The following SLAIN2 variants were observed in gnomAD, a reference collection of about 807,000 sequenced individuals.
SLAIN2 encodes SLAIN motif-containing protein 2.
Under a neutral mutation model 56.6 loss-of-function variants are expected in SLAIN2, and 31 were observed. The observed-to-expected ratio is 0.55, with a 90% confidence interval of 0.41 to 0.74. The LOEUF (loss-of-function observed/expected upper bound fraction) is 0.74, where lower values mean the gene tolerates loss of function less well. SLAIN2 is among the 30% of genes least tolerant of loss of function. SLAIN2 has a pLI of 0.00. For synonymous variants in SLAIN2, 317 were observed against 284.9 expected (o/e 1.11, Z -1.13); for missense variants, 777 against 754.2 (o/e 1.03, Z -0.35).
intron 6 of SLAIN2, among the ~76,000 whole-genome samples, chr4:48,390,718 A>G (rs937424865): frequency 6.6e-6 from 1 of 152,174 alleles, no homozygotes; most frequent in African/African-American, 2.4e-5. Context: ...AAATGTTTTT[A>G]TATATTGATC....
chr4:48,418,134 T>C (rs1577741805), intron 6 of SLAIN2, among the ~76,000 whole-genome samples: 2 of 151,898 alleles, frequency 1.3e-5, no homozygotes, highest in African/African-American at 4.8e-5. Context: ...TCTTTCTCCT[T>C]CCTCCTTCTT....
chr4:48,396,380 A>G (rs1048195943), intron 6 of SLAIN2, among the ~76,000 whole-genome samples: 2 of 152,224 alleles, frequency 1.3e-5, no homozygotes, highest in African/African-American at 4.8e-5. Flanking sequence ...CGTGGGCATT[A>G]TCATTACCTA....
intron 6 of SLAIN2, among the ~76,000 whole-genome samples, chr4:48,402,286 A>G (rs1268734970): frequency 1.3e-5 from 2 of 150,434 alleles, no homozygotes; most frequent in African/African-American, 2.5e-5. Flanking sequence ...GTATCTTACT[A>G]GGGTTCTCTG....
intron 1 of SLAIN2, among the ~76,000 whole-genome samples, chr4:48,349,328 A>G (rs561422302): frequency 5.3e-5 from 8 of 152,342 alleles, no homozygotes; most frequent in East Asian, 3.9e-4. Context: ...AATGAAATCA[A>G]TCTATCAGTG....
rs560369525 is a variant in SLAIN2 at position 48,345,172 on chromosome 4, TC to T, written c.389+3047del. ...CTTTATACATCATAGACTATGCTGTTCCCACAGTATTTTGCTTTTTCCAAGT... is the reference window on the plus strand; with the variant it reads ...CTTTATACATCATAGACTATGCTGTTCCACAGTATTTTGCTTTTTCCAAGT... On this transcript the variant is annotated intron_variant, in intron 1 of 7. Coordinates refer to ENST00000264313, the MANE Select transcript of SLAIN2 (RefSeq NM_020846.2). Among the ~76,000 whole-genome samples the T allele has an allele frequency of 4.2e-3, 644 of 152,330 alleles. 1 individual carries two copies. The highest frequency in any genetic ancestry group is 9.5e-3 in the Admixed American group (145 of 15,306).
In SLAIN2 at chr4:48,379,779, T is replaced by A; in HGVS notation, c.793T>A (p.Ser265Thr). ...ELSASELDED[S>T]IGSNYKLNDV... ...AAGTGCTTCAGAATTAGATGAAGATTCAATTGGATCCAATTATAAGCTAAA... is the reference window on the plus strand; with the variant it reads ...AAGTGCTTCAGAATTAGATGAAGATACAATTGGATCCAATTATAAGCTAAA... The change falls in exon 4 of 8, where the codon TCA (serine) becomes ACA (threonine). Residue 265 changes from serine to threonine, a missense_variant. Ser to Thr is a moderately conservative substitution (Grantham distance 58). Transcript: ENST00000264313. 1 of 1,599,424 alleles carries A rather than the reference T, an allele frequency of 6.3e-7. No homozygotes were observed. The highest frequency in any genetic ancestry group is 1.1e-5 in the South Asian group (1 of 88,370).
At chr4:48,421,100 T>G (rs1717135893) in intron 7 of SLAIN2, among the ~76,000 whole-genome samples, 1 of 151,966 alleles carries the variant, frequency 6.6e-6, no homozygotes, top group Non-Finnish European at 1.5e-5. Flanking sequence ...ACTGCAGCCT[T>G]GACCTCCCAG....
chr4:48,355,828 G>A (rs1715142018), intron 1 of SLAIN2, among the ~76,000 whole-genome samples: 1 of 151,336 alleles, frequency 6.6e-6, no homozygotes. Context: ...TTCTTACCTG[G>A]TTTATATTTT....
chr4:48,347,918 A>C (rs1017966387), intron 1 of SLAIN2, among the ~76,000 whole-genome samples: 2 of 152,230 alleles, frequency 1.3e-5, no homozygotes, highest in African/African-American at 4.8e-5. Context: ...TTCACAGTAC[A>C]TCCATGTGGT....
chr4:48,363,904 A>T, intron 1 of SLAIN2, among the ~76,000 whole-genome samples: 1 of 104,930 alleles, frequency 9.5e-6, no homozygotes, highest in South Asian at 3.5e-4. Context: ...CCCGGACGGC[A>T]CGGCTGGCCA....
At chr4:48,370,098 AT>A in intron 2 of SLAIN2, 101 bp downstream of exon 2, 1 of 1,196,812 alleles carries the variant, frequency 8.4e-7, no homozygotes, top group Non-Finnish European at 1.2e-6. Flanking sequence ...TCTTTGGAGC[AT>A]TTTTCAAATC....
chr4:48,353,814 C>G (rs1030541952), intron 1 of SLAIN2, among the ~76,000 whole-genome samples: 6 of 151,994 alleles, frequency 3.9e-5, no homozygotes, highest in African/African-American at 1.5e-4. Flanking sequence ...TTGTAACAGT[C>G]CGTACTTGAT....
rs1212929915 is a variant in SLAIN2, at chr4:48,341,824, G to A, written c.85G>A (p.Glu29Lys). The A allele has an allele frequency of 6.5e-7, 1 of 1,533,022 alleles. No individual in the cohort carries two copies. The highest frequency in any genetic ancestry group is 2.0e-5 in the Admixed American group (1 of 49,702). 95.0% of individuals were successfully genotyped at this position (1,533,022 alleles called of 1,614,324 possible). The change falls in exon 1 of 8, where the codon GAA becomes AAA. Residue 29 changes from glutamate to lysine, a missense_variant. Transcript: ENST00000264313. ...ELVKKLEKQNEQLRSRSGAVQ... is the reference protein window; with the variant it reads ...ELVKKLEKQNKQLRSRSGAVQ... ...GGTGAAGAAGCTGGAGAAGCAGAAC[G>A]AACAGCTGAGGAGCCGCTCGGGGGC...
intron 6 of SLAIN2, among the ~76,000 whole-genome samples, chr4:48,397,051 C>G (rs1577730587): frequency 6.6e-6 from 1 of 152,292 alleles, no homozygotes; most frequent in East Asian, 1.9e-4. Context: ...TTTAAGACTT[C>G]ATGGAAGTGG....
chr4:48,408,653 CA>C (rs1327998144), intron 6 of SLAIN2, among the ~76,000 whole-genome samples: 1 of 151,232 alleles, frequency 6.6e-6, no homozygotes, highest in Non-Finnish European at 1.5e-5. Flanking sequence ...GTTTGTGTTA[CA>C]AGCTATGTGT....
At chr4:48,387,783 A>G (rs889056718) in intron 6 of SLAIN2, among the ~76,000 whole-genome samples, 2 of 152,062 alleles carry the variant, frequency 1.3e-5, no homozygotes, top group African/African-American at 2.4e-5. Context: ...GAAATTTCAT[A>G]TATATTTGAT....
At chr4:48,380,134 G>A (rs1388691029) in intron 4 of SLAIN2, among the ~76,000 whole-genome samples, 3 of 152,032 alleles carry the variant, frequency 2.0e-5, no homozygotes, top group Non-Finnish European at 2.9e-5. Flanking sequence ...CTCTGCACTA[G>A]CACTTAACTC....
intron 6 of SLAIN2, among the ~76,000 whole-genome samples, chr4:48,409,010 G>A (rs1716777463): frequency 6.6e-6 from 1 of 152,154 alleles, no homozygotes; most frequent in Admixed American, 6.5e-5. Context: ...GTAGCATGCT[G>A]TATTGGTTTG....
Position 48,422,333 on chromosome 4 carries a change from T to G in SLAIN2, c.*256T>G, listed in dbSNP as rs1000622291. 9 of 327,024 alleles carry G rather than the reference T, an allele frequency of 2.8e-5. No homozygotes were observed. Among genetic ancestry groups the G allele is most frequent in the African/African-American group, 1.5e-4 (7 of 46,904 alleles). 20.3% of individuals were successfully genotyped at this position (327,024 alleles called of 1,614,324 possible). ...TAGTTTTGTTTAATAGAAACTAGGT[T>G]GATTTTTAAAAAATATTTGACAGAG... On this transcript the variant is annotated 3_prime_UTR_variant, in exon 8 of 8. Transcript: ENST00000264313.
Sources: gnomAD v4.1 joint callset for allele counts (sites outside exome capture counted in the v4.1 genomes callset) on GRCh38, gnomAD v4.1.1 for gene constraint, MANE v1.5 for transcripts, NCBI Gene and HGNC (gene_info 2026-07-23, HGNC 2026-07-21) for gene names.